Variants in IMMP1L observed in about 807,000 individuals in gnomAD.
IMMP1L encodes mitochondrial inner membrane protease subunit 1.
Under a neutral mutation model 21.8 loss-of-function variants are expected in IMMP1L, and 24 were observed. The ratio of observed to expected loss-of-function variants is 1.10; its 90% confidence interval spans 0.80 to 1.55. The LOEUF (loss-of-function observed/expected upper bound fraction) is 1.55, where lower values mean the gene tolerates loss of function less well. IMMP1L is among the 40% of genes most tolerant of loss of function. The pLI is 0.00. For missense variants in IMMP1L, 195 were observed against 200.7 expected (o/e 0.97, Z 0.17); for synonymous variants, 46 against 62.8 (o/e 0.73, Z 1.26).
chr11:31,501,573 T>C (rs117174763), intron 1 of IMMP1L, among the ~76,000 whole-genome samples: 2,437 of 152,298 alleles, frequency 0.016, 28 homozygotes, highest in Non-Finnish European at 0.027. Flanking sequence ...TCAGGTATTC[T>C]GTTACAGCAA....
At chr11:31,458,788 T>A (rs1031578142) in intron 3 of IMMP1L, among the ~76,000 whole-genome samples, 1 of 152,180 alleles carries the variant, frequency 6.6e-6, no homozygotes, top group Admixed American at 6.5e-5. Context: ...ATGAATAGGG[T>A]ACAAAATAAG....
intron 1 of IMMP1L, among the ~76,000 whole-genome samples, chr11:31,472,890 G>C (rs1954610671): frequency 6.6e-6 from 1 of 151,844 alleles, no homozygotes; most frequent in Non-Finnish European, 1.5e-5. Context: ...TTTTGAGATG[G>C]AGTGTCGCTC....
intron 1 of IMMP1L, among the ~76,000 whole-genome samples, chr11:31,505,607 G>C (rs920862617): frequency 1.3e-5 from 2 of 152,256 alleles, no homozygotes; most frequent in African/African-American, 4.8e-5. Flanking sequence ...TTTTTAGAGA[G>C]CTGAAAAAGC....
chr11:31,486,303 C>G (rs1053125149), intron 1 of IMMP1L, among the ~76,000 whole-genome samples: 3 of 151,826 alleles, frequency 2.0e-5, no homozygotes, highest in Non-Finnish European at 4.4e-5. Flanking sequence ...GTTCAAGTGA[C>G]TCAATCTCTC....
At chr11:31,490,657 T>A (rs1356062715) in intron 1 of IMMP1L, among the ~76,000 whole-genome samples, 1 of 152,160 alleles carries the variant, frequency 6.6e-6, no homozygotes, top group African/African-American at 2.4e-5. Context: ...GTATATAGAT[T>A]ATACAACACC....
intron 1 of IMMP1L, among the ~76,000 whole-genome samples, chr11:31,487,399 T>C (rs956365165): frequency 2.6e-5 from 4 of 152,122 alleles, no homozygotes; most frequent in African/African-American, 9.7e-5. Flanking sequence ...AGGTAATAAT[T>C]TGAGGCATGC....
At chr11:31,496,485 A>C in intron 1 of IMMP1L, among the ~76,000 whole-genome samples, 1 of 152,150 alleles carries the variant, frequency 6.6e-6, no homozygotes, top group Non-Finnish European at 1.5e-5. Flanking sequence ...ATATACCCAA[A>C]GGAAATGAAA....
At chr11:31,466,223 C>A (rs1954339187) in intron 1 of IMMP1L, among the ~76,000 whole-genome samples, 1 of 151,898 alleles carries the variant, frequency 6.6e-6, no homozygotes, top group Admixed American at 6.6e-5. Flanking sequence ...CATCTTACCA[C>A]AGTTAGATTG....
At chr11:31,442,699 G>A (rs553194728) in intron 4 of IMMP1L, among the ~76,000 whole-genome samples, 3 of 152,108 alleles carry the variant, frequency 2.0e-5, no homozygotes, top group African/African-American at 4.8e-5. Flanking sequence ...CAATAGTCAT[G>A]AAAGAAACAA....
intron 5 of IMMP1L, 87 bp downstream of exon 5, chr11:31,433,373 G>A: frequency 1.3e-6 from 1 of 769,084 alleles, no homozygotes; most frequent in Non-Finnish European, 2.1e-6. Context: ...TAAGTACACT[G>A]ACAGCTTGAA....
At chr11:31,445,403 G>A (rs1405860906) in intron 4 of IMMP1L, among the ~76,000 whole-genome samples, 3 of 152,148 alleles carry the variant, frequency 2.0e-5, no homozygotes, top group Admixed American at 6.5e-5. Context: ...TCCTGTTGTT[G>A]CTGTACATAG....
intron 1 of IMMP1L, among the ~76,000 whole-genome samples, chr11:31,506,786 C>A (rs533768686): frequency 2.0e-5 from 3 of 150,970 alleles, no homozygotes; most frequent in Non-Finnish European, 4.4e-5. Flanking sequence ...ATGGTGAAAG[C>A]CTGTCTCTAC....
At chr11:31,440,125 A>C (rs1040564316) in intron 4 of IMMP1L, among the ~76,000 whole-genome samples, 1 of 152,194 alleles carries the variant, frequency 6.6e-6, no homozygotes, top group East Asian at 1.9e-4. Flanking sequence ...GTCTCAACTC[A>C]GCAAAGACCA....
At chr11:31,451,740 A>G (rs1301225525) in intron 4 of IMMP1L, among the ~76,000 whole-genome samples, 1 of 152,240 alleles carries the variant, frequency 6.6e-6, no homozygotes, top group East Asian at 1.9e-4. Context: ...TTTGAGAGTA[A>G]GTTAAAAAGT....
intron 1 of IMMP1L, among the ~76,000 whole-genome samples, chr11:31,503,149 AC>A (rs1247056817): frequency 6.6e-6 from 1 of 152,234 alleles, no homozygotes; most frequent in East Asian, 1.9e-4. Flanking sequence ...GTATTTCAGT[AC>A]TTTCAAAAGT....
intron 4 of IMMP1L, among the ~76,000 whole-genome samples, chr11:31,444,588 CTT>C (rs1219601245): frequency 7.7e-5 from 10 of 130,374 alleles, no homozygotes; most frequent in Admixed American, 7.7e-5. Context: ...CATTTCTATT[CTT>C]TTTTTTTTTT....
At chr11:31,486,740 C>G (rs1955091849) in intron 1 of IMMP1L, among the ~76,000 whole-genome samples, 1 of 151,634 alleles carries the variant, frequency 6.6e-6, no homozygotes, top group African/African-American at 2.4e-5. Flanking sequence ...TACATAATAA[C>G]AAAAATGAAT....
intron 4 of IMMP1L, among the ~76,000 whole-genome samples, chr11:31,442,351 G>A (rs1041430941): frequency 2.0e-5 from 3 of 152,104 alleles, no homozygotes; most frequent in African/African-American, 7.2e-5. Context: ...AGGCTTTTGT[G>A]GAGGCAATAC....
chr11:31,443,346 T>G (rs1953403911), intron 4 of IMMP1L, among the ~76,000 whole-genome samples: 1 of 152,124 alleles, frequency 6.6e-6, no homozygotes. Flanking sequence ...CAAAAACACA[T>G]GTAAAAAAGT....
Sources: gnomAD v4.1 joint callset for allele counts (sites outside exome capture counted in the v4.1 genomes callset) on GRCh38, gnomAD v4.1.1 for gene constraint, MANE v1.5 for transcripts, NCBI Gene and HGNC (gene_info 2026-07-23, HGNC 2026-07-21) for gene names.